Variants in TAF3 observed in about 807,000 individuals in gnomAD.
The protein encoded by TAF3 is transcription initiation factor TFIID subunit 3.
Under a neutral mutation model 80.6 loss-of-function variants are expected in TAF3, and 7 were observed. The observed-to-expected ratio is 0.09, with a 90% CI of 0.05 to 0.16. The LOEUF is 0.16. Ranked by LOEUF, TAF3 falls within the 10% of genes least tolerant of loss-of-function variation. The probability of loss-of-function intolerance (pLI) is 1.00; values close to 1 mark genes in which losing one functional copy is unlikely to be tolerated. For missense variants in TAF3, 921 were observed against 1,140.2 expected, an observed-to-expected ratio of 0.81 and a Z score of 2.77; for synonymous variants, 444 against 446.1, an observed-to-expected ratio of 1.00 and a Z score of 0.06.
At chr10:7,867,591 G>A (rs892871453) in intron 2 of TAF3, among the ~76,000 whole-genome samples, 2 of 152,168 alleles carry the variant, frequency 1.3e-5, no homozygotes, top group East Asian at 3.9e-4. Context: ...GTCTGAATAT[G>A]GAGGAGACAG....
chr10:7,989,181 C>A (rs1322332712), intron 4 of TAF3, among the ~76,000 whole-genome samples: 3 of 152,300 alleles, frequency 2.0e-5, no homozygotes, highest in Middle Eastern at 6.8e-3. Context: ...CGTGACCAGC[C>A]TGAACCAATC....
intron 2 of TAF3, among the ~76,000 whole-genome samples, chr10:7,827,794 A>C (rs911106578): frequency 2.0e-5 from 3 of 151,264 alleles, no homozygotes; most frequent in African/African-American, 7.3e-5. Context: ...AAAAAAAAAA[A>C]AACAAAAACA....
Position 7,936,498 on chromosome 10 carries a change from CT to C in TAF3, c.410-27409del, listed in dbSNP as rs200550840. 3.3e-3 allele frequency among the ~76,000 whole-genome samples: 476 copies of C among 144,340 alleles called. 2 individuals are homozygous for C. Among genetic ancestry groups the C allele is most frequent in the East Asian group, 0.01 (49 of 4,766 alleles). The allele number at this position is 144,340 out of a possible 152,430, so 94.7% of individuals were successfully genotyped here. A position where few individuals can be genotyped will look rare whatever the true frequency, so the allele number is the denominator to read the frequency against. ...GAAGAGGGTAGGACCTGAGCTGCAT[CT>C]TTTTTTTTTTTTCTTAATAGACTTT... On this transcript the variant is annotated intron_variant, in intron 2 of 6. Transcript: ENST00000344293.
In TAF3 at chr10:7,963,476, A is replaced by G. The variant is rs533669198; in HGVS notation, c.410-444A>G. On this transcript the variant is annotated intron_variant, in intron 2 of 6. Coordinates refer to ENST00000344293, the MANE Select transcript of TAF3 (RefSeq NM_031923.4). ...GTTACTGACTGCCACTCTTTTAAGA[A>G]TGATGGCACACATGTTTGGAAGATC... 7.2e-5 allele frequency among the ~76,000 whole-genome samples: 11 copies of G among 152,378 alleles called. No homozygotes were observed. In the South Asian group the frequency reaches 2.1e-3, roughly 29 times the overall value.
intron 3 of TAF3, among the ~76,000 whole-genome samples, chr10:7,974,082 C>T (rs975946603): frequency 1.3e-5 from 2 of 151,024 alleles, no homozygotes; most frequent in African/African-American, 4.9e-5. Context: ...GAGCCAAGAA[C>T]GTGCCACTGA....
intron 4 of TAF3, among the ~76,000 whole-genome samples, chr10:8,003,586 G>A (rs759201264): frequency 6.6e-6 from 1 of 152,210 alleles, no homozygotes; most frequent in Non-Finnish European, 1.5e-5. Flanking sequence ...CTGTTGATAT[G>A]ATTTCAGATT....
intron 4 of TAF3, among the ~76,000 whole-genome samples, chr10:8,001,833 A>G (rs1289917173): frequency 6.6e-6 from 1 of 152,208 alleles, no homozygotes. Context: ...TCAATTGCAC[A>G]TGCGTAATTA....
At chr10:7,902,521 CAG>C (rs896603248) in intron 2 of TAF3, among the ~76,000 whole-genome samples, 2 of 152,158 alleles carry the variant, frequency 1.3e-5, no homozygotes, top group African/African-American at 4.8e-5. Flanking sequence ...TGACGAAACT[CAG>C]GGGAAAAACG....
At chr10:7,999,996 A>G (rs1391117468) in intron 4 of TAF3, among the ~76,000 whole-genome samples, 1 of 152,254 alleles carries the variant, frequency 6.6e-6, no homozygotes, top group Non-Finnish European at 1.5e-5. Flanking sequence ...TCCCCAGTAA[A>G]TTAATAAAGT....
At chr10:7,930,649 C>T (rs1338045759) in intron 2 of TAF3, among the ~76,000 whole-genome samples, 2 of 152,102 alleles carry the variant, frequency 1.3e-5, no homozygotes, top group Non-Finnish European at 2.9e-5. Flanking sequence ...GTACAGTCAT[C>T]AATATTTTTA....
intron 5 of TAF3, among the ~76,000 whole-genome samples, chr10:8,012,796 A>C (rs1832067707): frequency 6.6e-6 from 1 of 152,226 alleles, no homozygotes; most frequent in Admixed American, 6.5e-5. Context: ...TCACACACAA[A>C]GAAAGCCTTT....
intron 2 of TAF3, among the ~76,000 whole-genome samples, chr10:7,908,581 A>G (rs957184030): frequency 3.3e-5 from 5 of 152,158 alleles, no homozygotes; most frequent in African/African-American, 1.2e-4. Context: ...CTCCTCTTCT[A>G]AATCTGGGTT....
At chr10:7,934,030 A>T (rs80078561) in intron 2 of TAF3, among the ~76,000 whole-genome samples, 2,584 of 152,300 alleles carry the variant, frequency 0.017, 78 homozygotes, top group African/African-American at 0.059. Flanking sequence ...AGAGATGCTC[A>T]TTGAGCACAA....
intron 2 of TAF3, among the ~76,000 whole-genome samples, chr10:7,949,209 C>T (rs2131402225): frequency 6.6e-6 from 1 of 152,360 alleles, no homozygotes; most frequent in East Asian, 1.9e-4. Context: ...GGGGCTGGTT[C>T]TGTAAATCAG....
At chr10:7,895,212 T>G (rs1279375008) in intron 2 of TAF3, among the ~76,000 whole-genome samples, 2 of 152,200 alleles carry the variant, frequency 1.3e-5, no homozygotes, top group Non-Finnish European at 2.9e-5. Context: ...ACAGCTTTAG[T>G]GAGTCCTAAC....
intron 4 of TAF3, among the ~76,000 whole-genome samples, chr10:7,985,679 C>G (rs375572717): frequency 3.3e-5 from 5 of 152,162 alleles, no homozygotes; most frequent in Non-Finnish European, 5.9e-5. Context: ...TGTACAAACC[C>G]GGTCTGCCGT....
At chr10:7,963,370 C>T (rs1273604644) in intron 2 of TAF3, among the ~76,000 whole-genome samples, 1 of 152,150 alleles carries the variant, frequency 6.6e-6, no homozygotes, top group Non-Finnish European at 1.5e-5. Flanking sequence ...AGAAGGCCAA[C>T]TGGAAATACC....
At chr10:7,945,685 G>A (rs1002082438) in intron 2 of TAF3, among the ~76,000 whole-genome samples, 2 of 151,998 alleles carry the variant, frequency 1.3e-5, no homozygotes, top group African/African-American at 4.8e-5. Context: ...CTCTGCCCCT[G>A]AAATGCTTGT....
At position 7,907,059 on chromosome 10, in the gene TAF3, C is replaced by T. The variant is rs367931790; in HGVS notation, c.410-56861C>T. On this transcript the variant is annotated intron_variant, in intron 2 of 6. Transcript: ENST00000344293. The stretch of plus-strand genomic sequence containing the variant: ...CATTGGGTGGACAGTGTTCGTAGGG[C>T]CACCTGGCTTAGCTTTCTGTAGGAT... Among the ~76,000 whole-genome samples, 448 of 152,208 alleles carry T rather than the reference C, an allele frequency of 2.9e-3. 3 individuals are homozygous for T. The highest frequency in any genetic ancestry group is 9.8e-3 in the African/African-American group (406 of 41,532).
Sources: allele counts gnomAD v4.1 joint callset (sites outside exome capture counted in the v4.1 genomes callset), GRCh38; gene constraint gnomAD v4.1.1; transcripts MANE v1.5; gene names NCBI Gene and HGNC (gene_info 2026-07-23, HGNC 2026-07-21).